Variants in TOP1 observed in about 807,000 individuals in gnomAD.
TOP1 encodes the protein DNA topoisomerase 1.
Under a neutral mutation model 111.1 loss-of-function variants are expected in TOP1, and 10 were observed. The ratio of observed to expected loss-of-function variants is 0.09; its 90% CI spans 0.06 to 0.15. TOP1 has a LOEUF of 0.15. Among genes scored for constraint, TOP1 ranks in the 10% least tolerant of loss-of-function variants. The probability of loss-of-function intolerance (pLI) is 1.00; values close to 1 mark genes in which losing one functional copy is unlikely to be tolerated. For missense variants in TOP1, 474 were observed against 926.7 expected, an observed-to-expected ratio of 0.51 and a Z score of 6.34; for synonymous variants, 271 against 302.9, an observed-to-expected ratio of 0.89 and a Z score of 1.10.
intron 3 of TOP1, chr20:41,072,580 G>C (rs2033680269): frequency 3.0e-6 from 3 of 985,390 alleles, no homozygotes; most frequent in South Asian, 4.7e-5. Flanking sequence ...CAGCGCCTTT[G>C]CTACTTCCTT....
rs6016513 is a variant in TOP1, at chr20:41,100,720, A to T, written c.1163+477A>T. On this transcript the variant is annotated intron_variant, in intron 12 of 20. Transcript: ENST00000361337. The surrounding 1 kb of genome is among the most constrained non-coding windows in gnomAD (Gnocchi z 4.4). ...TTAAGTCGATAATTTCCACCTTTTC[A>T]TTTAAAGCACTCTGTGCAGCTTCTG... 7.4e-3 allele frequency: 1,185 copies of T among 159,846 alleles called. 11 individuals carry two copies. The highest frequency in any genetic ancestry group is 0.027 in the African/African-American group (1,121 of 41,752). The allele number at this position is 159,846 out of a possible 1,614,324, so 9.9% of individuals were successfully genotyped here. A position where few individuals can be genotyped will look rare whatever the true frequency, so the allele number is the denominator to read the frequency against.
chr20:41,106,857 TCTTCATTTTCAG>T lies in TOP1; in HGVS notation c.1308+5505_1308+5516del, dbSNP rs2034155005. ...TAATTTAATTATCTATAAAAACAGT[TCTTCATTTTCAG>T]TTCATATATTTCATATTTCTTTAAG... On this transcript the variant is annotated intron_variant, in intron 13 of 20. Coordinates refer to ENST00000361337, the MANE Select transcript of TOP1 (RefSeq NM_003286.4). The surrounding 1 kb of genome is among the most constrained non-coding windows in gnomAD (Gnocchi z 4.3). Among the ~76,000 whole-genome samples, 1 of 152,164 alleles carries T rather than the reference TCTTCATTTTCAG, an allele frequency of 6.6e-6. No individual in the cohort carries two copies. Among genetic ancestry groups the T allele is most frequent in the Non-Finnish European group, 1.5e-5 (1 of 68,026 alleles).
chr20:41,115,583 C>T lies in TOP1; in HGVS notation c.1707+144C>T, dbSNP rs1468934519. ...CATCCCATACACTCTCTCTTCCTCC[C>T]TCTGAGTCCACGGTGAATCTGTAGT... On this transcript the variant is annotated intron_variant, in intron 16 of 20. Coordinates refer to ENST00000361337, the MANE Select transcript of TOP1 (RefSeq NM_003286.4). The surrounding 1 kb of genome is among the most constrained non-coding windows in gnomAD (Gnocchi z 6.3). 5.0e-6 allele frequency: 3 copies of T among 602,486 alleles called. No individual in the cohort carries two copies. The highest frequency in any genetic ancestry group is 8.9e-6 in the Non-Finnish European group (3 of 336,714). 37.3% of individuals were successfully genotyped at this position (602,486 alleles called of 1,614,324 possible).
At chr20:41,031,013 A>G (rs140748492) in intron 2 of TOP1, among the ~76,000 whole-genome samples, 1 of 152,300 alleles carries the variant, frequency 6.6e-6, no homozygotes, top group African/African-American at 2.4e-5. Context: ...CTACTGGGGC[A>G]TATGTGTACC....
chr20:41,031,372 G>C (rs2033117651), intron 2 of TOP1, among the ~76,000 whole-genome samples: 1 of 152,198 alleles, frequency 6.6e-6, no homozygotes, highest in African/African-American at 2.4e-5. Flanking sequence ...AGTAGGTAAT[G>C]TAAGTAATGA....
rs1040977793 is a variant in TOP1 at position 41,069,842 on chromosome 20, C to T, written c.156-6329C>T. On this transcript the variant is annotated intron_variant, in intron 3 of 20. Coordinates refer to ENST00000361337, the MANE Select transcript of TOP1 (RefSeq NM_003286.4). This position sits in a 1 kb window ranked among gnomAD's most constrained non-coding sequence, Gnocchi z 4.1. ...TTTCATGGTGGAGACAGCATTTGAG[C>T]TAGCCATTCAAAGATGGTTAAAATT... Among the ~76,000 whole-genome samples the T allele has an allele frequency of 4.1e-4, 62 of 152,082 alleles. No individual in the cohort carries two copies. The highest frequency in any genetic ancestry group is 1.4e-3 in the African/African-American group (56 of 41,380).
chr20:41,100,571 CT>C lies in TOP1; in HGVS notation c.1163+332del, dbSNP rs2034047726. Reference sequence around the variant, plus strand: ...TACTTATCACATAGAGTGGCTATAACTTTTGCAGTCTGAGGCACAACAGCAA... The same window carrying C: ...TACTTATCACATAGAGTGGCTATAACTTTGCAGTCTGAGGCACAACAGCAA... On this transcript the variant is annotated intron_variant, in intron 12 of 20. Transcript: ENST00000361337. The surrounding 1 kb of genome is among the most constrained non-coding windows in gnomAD (Gnocchi z 4.4). 1 of 216,410 alleles carries C rather than the reference CT, an allele frequency of 4.6e-6. No individual in the cohort carries two copies. Among genetic ancestry groups the C allele is most frequent in the Non-Finnish European group, 9.1e-6 (1 of 109,944 alleles). The allele number at this position is 216,410 out of a possible 1,614,324, so 13.4% of individuals were successfully genotyped here. A position where few individuals can be genotyped will look rare whatever the true frequency, so the allele number is the denominator to read the frequency against.
At position 41,118,281 on chromosome 20, in the gene TOP1, G is replaced by A. The variant is rs757569552; in HGVS notation, c.1935G>A (p.Met645Ile). Reference sequence around the variant, plus strand: ...CAAAAACTTTTGAGAAGTCTATGATGAACTTGCAAACTAAGGTATCTTGGA... The same window carrying A: ...CAAAAACTTTTGAGAAGTCTATGATAAACTTGCAAACTAAGGTATCTTGGA... ...APPKTFEKSM[M>I]NLQTKIDAKK... is the part of the protein sequence containing the mutation. The change falls in exon 18 of 21, where the codon ATG (methionine) becomes ATA (isoleucine). Residue 645 changes from methionine (M) to isoleucine (I), a missense_variant. Coordinates refer to ENST00000361337, the MANE Select transcript of TOP1 (RefSeq NM_003286.4). This position sits in a 1 kb window ranked among gnomAD's most constrained non-coding sequence, Gnocchi z 4.6. 2.2e-5 allele frequency: 35 copies of A among 1,614,008 alleles called. No individual in the cohort carries two copies. Among genetic ancestry groups the A allele is most frequent in the Admixed American group, 3.3e-5 (2 of 59,998 alleles).
chr20:41,119,273 A>G (rs1440035720), intron 18 of TOP1, among the ~76,000 whole-genome samples: 2 of 152,204 alleles, frequency 1.3e-5, no homozygotes, highest in African/African-American at 2.4e-5. Flanking sequence ...TGCTGCTGCT[A>G]TTACTATGGT....
At chr20:41,075,529 A>C (rs2033716967) in intron 3 of TOP1, among the ~76,000 whole-genome samples, 1 of 152,234 alleles carries the variant, frequency 6.6e-6, no homozygotes, top group Non-Finnish European at 1.5e-5. Context: ...CAGGAGCTTG[A>C]TCCCAGGGTA....
chr20:41,119,993 C>T (rs1213039352), intron 18 of TOP1, among the ~76,000 whole-genome samples: 1 of 152,258 alleles, frequency 6.6e-6, no homozygotes, highest in Non-Finnish European at 1.5e-5. Flanking sequence ...CGCTCTGGAA[C>T]CGGGTTTGGG....
In TOP1 at chr20:41,115,466, A is replaced by T; in HGVS notation, c.1707+27A>T. 6.4e-7 allele frequency: 1 copy of T among 1,574,280 alleles called. No individual in the cohort carries two copies. The highest frequency in any genetic ancestry group is 8.7e-7 in the Non-Finnish European group (1 of 1,144,080). ...TGAGTAGATGAAGCACACAATGTTGAAGGGAGTCCCAGCCAGAGCCTCACA... is the reference window on the plus strand; with the variant it reads ...TGAGTAGATGAAGCACACAATGTTGTAGGGAGTCCCAGCCAGAGCCTCACA... On this transcript the variant is annotated intron_variant, in intron 16 of 20. Transcript: ENST00000361337. This position sits in a 1 kb window ranked among gnomAD's most constrained non-coding sequence, Gnocchi z 6.3.
intron 2 of TOP1, among the ~76,000 whole-genome samples, chr20:41,057,192 G>C (rs751847949): frequency 2.0e-5 from 3 of 150,872 alleles, no homozygotes; most frequent in Non-Finnish European, 4.4e-5. Context: ...CTTGAACCCG[G>C]GAGGCTGAGG....
Position 41,118,074 on chromosome 20 carries a change from A to G in TOP1, c.1823-95A>G. On this transcript the variant is annotated intron_variant, in intron 17 of 20. Coordinates refer to ENST00000361337, the MANE Select transcript of TOP1 (RefSeq NM_003286.4). The surrounding 1 kb of genome is among the most constrained non-coding windows in gnomAD (Gnocchi z 4.6). ...CATCTGAGTAAGATAAGAGCCAGCAAAATCATGGGGACGAGGCACTGGGGG... is the reference window on the plus strand; with the variant it reads ...CATCTGAGTAAGATAAGAGCCAGCAGAATCATGGGGACGAGGCACTGGGGG... 7.2e-7 allele frequency: 1 copy of G among 1,394,270 alleles called. No homozygotes were observed. The highest frequency in any genetic ancestry group is 9.7e-7 in the Non-Finnish European group (1 of 1,035,522). The allele number at this position is 1,394,270 out of a possible 1,614,324, so 86.4% of individuals were successfully genotyped here. A position where few individuals can be genotyped will look rare whatever the true frequency, so the allele number is the denominator to read the frequency against.
chr20:41,077,608 A>C lies in TOP1; in HGVS notation c.306A>C (p.Ile102=), dbSNP rs780640549. The C allele has an allele frequency of 1.9e-6, 3 of 1,614,036 alleles. No homozygotes were observed. The highest frequency in any genetic ancestry group is 2.7e-5 in the African/African-American group (2 of 74,930). The part of the protein sequence containing the change: ...EKVRASGDAK[I]KKEKENGFSS... Reference sequence around the variant, plus strand: ...TTCGAGCCTCTGGGGATGCAAAAATAAAGAAGGAGAAGGAAAATGGCTTCT... The same window carrying C: ...TTCGAGCCTCTGGGGATGCAAAAATCAAGAAGGAGAAGGAAAATGGCTTCT... Residue 102 remains isoleucine, a synonymous_variant, in exon 5 of 21, where the codon ATA becomes ATC. Transcript: ENST00000361337.
At chr20:41,077,947 CATT>C (rs1481583788) in intron 5 of TOP1, among the ~76,000 whole-genome samples, 77 of 120,750 alleles carry the variant, frequency 6.4e-4, no homozygotes, top group African/African-American at 2.5e-3. Context: ...TACAGTGTAC[CATT>C]TTTTTTTTTT....
chr20:41,038,078 A>G (rs1251001958), intron 2 of TOP1, among the ~76,000 whole-genome samples: 1 of 152,194 alleles, frequency 6.6e-6, no homozygotes, highest in Non-Finnish European at 1.5e-5. Flanking sequence ...TGTGCCCACA[A>G]TAGGGTTGGA....
intron 3 of TOP1, among the ~76,000 whole-genome samples, chr20:41,070,720 G>T (rs1166205555): frequency 2.6e-5 from 4 of 152,216 alleles, no homozygotes; most frequent in African/African-American, 9.7e-5. Flanking sequence ...GAGTAGACAG[G>T]TAGCTGGGCT....
intron 3 of TOP1, chr20:41,073,120 C>G (rs988866984): frequency 1.0e-6 from 1 of 985,144 alleles, no homozygotes; most frequent in Non-Finnish European, 1.2e-6. Flanking sequence ...ATTCCTTTTC[C>G]CTGATCTCTG....
Sources: allele counts gnomAD v4.1 joint callset (sites outside exome capture counted in the v4.1 genomes callset), GRCh38; gene constraint gnomAD v4.1.1; non-coding constraint Gnocchi (gnomAD v3.1); transcripts MANE v1.5; gene names NCBI Gene and HGNC (gene_info 2026-07-23, HGNC 2026-07-21).